The following NUP93 variants were observed in gnomAD, a reference collection of about 807,000 sequenced individuals.
NUP93 encodes the protein nucleoporin 93.
A neutral mutation model predicts 107.8 loss-of-function variants in NUP93; 55 were observed. The ratio of observed to expected loss-of-function variants is 0.51; its 90% CI spans 0.41 to 0.64. The LOEUF is 0.64. NUP93 is among the 30% of genes least tolerant of loss of function. The pLI is 0.00. For synonymous variants in NUP93, 390 were observed against 397.5 expected (o/e 0.98, Z 0.22); for missense variants, 937 against 1,044.7 (o/e 0.90, Z 1.42).
At chr16:56,798,027 A>G (rs1235796713) in intron 3 of NUP93, among the ~76,000 whole-genome samples, 1 of 152,260 alleles carries the variant, frequency 6.6e-6, no homozygotes, top group Non-Finnish European at 1.5e-5. Context: ...ATATTGGCCA[A>G]CAAGTGAAAA....
intron 13 of NUP93, 26 bp from the exon 14 acceptor site, chr16:56,834,102 G>T (rs1487034517): frequency 6.2e-7 from 1 of 1,613,522 alleles, no homozygotes; most frequent in South Asian, 1.1e-5. Flanking sequence ...GTGTGGTTGT[G>T]ACCCATTCTG....
At chr16:56,731,134 A>G (rs1174489272) in intron 1 of NUP93, among the ~76,000 whole-genome samples, 7 of 152,108 alleles carry the variant, frequency 4.6e-5, no homozygotes, top group African/African-American at 1.7e-4. Flanking sequence ...AAATACATAC[A>G]TATCAGAGGC....
chr16:56,806,309 A>G (rs552616509), intron 5 of NUP93, among the ~76,000 whole-genome samples: 4 of 151,972 alleles, frequency 2.6e-5, no homozygotes, highest in South Asian at 4.2e-4. Context: ...ACCTTAAAAT[A>G]TACCCAGAAT....
At chr16:56,765,526 C>T (rs555874525) in intron 3 of NUP93, among the ~76,000 whole-genome samples, 43 of 152,274 alleles carry the variant, frequency 2.8e-4, no homozygotes, top group Non-Finnish European at 4.9e-4. Context: ...AAATCCTTTC[C>T]TGGAACACCA....
At chr16:56,786,207 CAG>C (rs1371235235) in intron 3 of NUP93, among the ~76,000 whole-genome samples, 40 of 152,246 alleles carry the variant, frequency 2.6e-4, no homozygotes, top group Admixed American at 1.7e-3. Flanking sequence ...GTGGTAATGA[CAG>C]TGTTGATTTC....
chr16:56,768,592 G>C (rs1247855125), intron 3 of NUP93, among the ~76,000 whole-genome samples: 2 of 151,428 alleles, frequency 1.3e-5, no homozygotes, highest in Non-Finnish European at 2.9e-5. Flanking sequence ...TTTTGGCCAG[G>C]TGTGGTGGCT....
intron 17 of NUP93, 139 bp downstream of exon 17, chr16:56,836,856 T>C (rs1468490508): frequency 1.7e-6 from 1 of 594,780 alleles, no homozygotes; most frequent in African/African-American, 1.9e-5. Flanking sequence ...AGACAGTTAA[T>C]GGTCCAGTCA....
chr16:56,776,132 C>T (rs1396791657), intron 3 of NUP93, among the ~76,000 whole-genome samples: 2 of 150,532 alleles, frequency 1.3e-5, no homozygotes, highest in African/African-American at 2.4e-5. Context: ...TAGAATTTTG[C>T]GTTTAAGTTT....
intron 3 of NUP93, among the ~76,000 whole-genome samples, chr16:56,764,114 T>C (rs1242931873): frequency 1.3e-5 from 2 of 152,252 alleles, no homozygotes; most frequent in African/African-American, 4.8e-5. Context: ...TTTCCTGTCC[T>C]TGGAAATGTA....
chr16:56,812,876 G>A (rs530027526), intron 5 of NUP93, among the ~76,000 whole-genome samples: 1 of 152,322 alleles, frequency 6.6e-6, no homozygotes, highest in South Asian at 2.1e-4. Context: ...CATCTGCTCA[G>A]CATGAGGAAG....
Position 56,746,577 on chromosome 16 carries a change from C to A in NUP93, c.-14-1657C>A, listed in dbSNP as rs534795892. Among the ~76,000 whole-genome samples, 18 of 152,322 alleles carry A rather than the reference C, an allele frequency of 1.2e-4. No individual in the cohort carries two copies. The East Asian group carries it at 3.5e-3, about 29-fold the overall frequency. On this transcript the variant is annotated intron_variant, in intron 1 of 21. Coordinates refer to ENST00000308159, the MANE Select transcript of NUP93 (RefSeq NM_014669.5). ...TTTACTCCAGCTGAGCTATTTTTAA[C>A]CTTTTGCCTTTGCCTTTAAAGTTAA...
rs745658039 is a variant in NUP93 at position 56,818,650 on chromosome 16, G to GTATT, written c.490-10_490-7dup. ...ACTGTCCCTAACTGATTCTGAATGTGTATTTATCCACAGCCAAGCTACATC... is the reference window on the plus strand; with the variant it reads ...ACTGTCCCTAACTGATTCTGAATGTGTATTTATTTATCCACAGCCAAGCTACATC... On this transcript the variant is annotated splice_polypyrimidine_tract_variant and intron_variant, in intron 5 of 21. Transcript: ENST00000308159. 456 of 1,609,416 alleles carry GTATT rather than the reference G, an allele frequency of 2.8e-4. 2 individuals carry two copies. Among genetic ancestry groups the GTATT allele is most frequent in the Middle Eastern group, 1.3e-3 (8 of 6,054 alleles).
At chr16:56,798,100 CA>C (rs1321133014) in intron 3 of NUP93, among the ~76,000 whole-genome samples, 1 of 152,200 alleles carries the variant, frequency 6.6e-6, no homozygotes, top group East Asian at 1.9e-4. Flanking sequence ...TTTAAACCAA[CA>C]GAGAAATATA....
chr16:56,768,693 T>A (rs189731501), intron 3 of NUP93, among the ~76,000 whole-genome samples: 3 of 149,552 alleles, frequency 2.0e-5, no homozygotes, highest in African/African-American at 7.5e-5. Flanking sequence ...GGTGAAACCC[T>A]GTCTCTACTA....
At chr16:56,783,137 CA>C (rs1172006449) in intron 3 of NUP93, among the ~76,000 whole-genome samples, 1 of 152,148 alleles carries the variant, frequency 6.6e-6, no homozygotes, top group Non-Finnish European at 1.5e-5. Context: ...CTCTTAAAAG[CA>C]ACAACAAAAT....
In NUP93 at chr16:56,765,682, A is replaced by G. The variant is rs138833687; in HGVS notation, c.297+7027A>G. 4.3e-3 allele frequency among the ~76,000 whole-genome samples: 650 copies of G among 152,324 alleles called. 6 individuals carry two copies. Among genetic ancestry groups the G allele is most frequent in the African/African-American group, 0.014 (601 of 41,560 alleles). On this transcript the variant is annotated intron_variant, in intron 3 of 21. Coordinates refer to ENST00000308159, the MANE Select transcript of NUP93 (RefSeq NM_014669.5). Reference sequence around the variant, plus strand: ...ATGAACACAGTGGTGTCTACATCACACCTACTTAATAAACATATTTGCTGT... The same window carrying G: ...ATGAACACAGTGGTGTCTACATCACGCCTACTTAATAAACATATTTGCTGT...
intron 3 of NUP93, among the ~76,000 whole-genome samples, chr16:56,775,024 C>T (rs1016017347): frequency 2.0e-5 from 3 of 151,814 alleles, no homozygotes; most frequent in Non-Finnish European, 4.4e-5. Context: ...CTCAACCTCC[C>T]GAGTAGCTGG....
chr16:56,784,348 C>T (rs1293253317), intron 3 of NUP93, among the ~76,000 whole-genome samples: 1 of 152,016 alleles, frequency 6.6e-6, no homozygotes, highest in East Asian at 1.9e-4. Flanking sequence ...GATTAAAATA[C>T]ACAAGAAACA....
At chr16:56,839,964 G>T in intron 20 of NUP93, 2 of 210,548 alleles carry the variant, frequency 9.5e-6, no homozygotes, top group Non-Finnish European at 1.9e-5. Context: ...AGTTCCATTG[G>T]GTACGTGAAA....
Sources: allele counts gnomAD v4.1 joint callset (sites outside exome capture counted in the v4.1 genomes callset), GRCh38; gene constraint gnomAD v4.1.1; transcripts MANE v1.5; gene names NCBI Gene and HGNC (gene_info 2026-07-23, HGNC 2026-07-21).